The following APEH variants were observed in gnomAD, a reference collection of about 807,000 sequenced individuals.
APEH encodes acylaminoacyl-peptide hydrolase.
In APEH, 75 loss-of-function variants were observed where a neutral mutation model predicts 102.7. That is an observed-to-expected ratio of 0.73 (90% CI 0.61 to 0.89). The LOEUF is 0.89. Ranked by LOEUF, APEH falls within the 40% of genes least tolerant of loss-of-function variation. The pLI is 0.00. For missense variants in APEH, 863 were observed against 941.2 expected (o/e 0.92, Z 1.09); for synonymous variants, 344 against 362.7 (o/e 0.95, Z 0.59).
rs1245044042 is a variant in APEH at position 49,676,235 on chromosome 3, C to G, written c.606+16C>G. On this transcript the variant is annotated intron_variant, in intron 6 of 21. Coordinates refer to ENST00000296456, the MANE Select transcript of APEH (RefSeq NM_001640.4). ...AGCCATCAAGGTGCTCGTGGTCAAT[C>G]CACGAAGGCCCGGCAGGGCAGCCCT... 2 of 1,612,880 alleles carry G rather than the reference C, an allele frequency of 1.2e-6. No homozygotes were observed. Among genetic ancestry groups the G allele is most frequent in the Non-Finnish European group, 1.7e-6 (2 of 1,179,322 alleles).
In APEH at chr3:49,675,404, G is replaced by A. The variant is rs190206719; in HGVS notation, c.272+95G>A. The stretch of plus-strand genomic sequence containing the variant: ...CACCATGTGCCTAGAAGGGAGGCCA[G>A]CAGCCAGGTTCTTGCCCCCTTGGGA... On this transcript the variant is annotated intron_variant, in intron 3 of 21. Coordinates refer to ENST00000296456, the MANE Select transcript of APEH (RefSeq NM_001640.4). 656 of 1,526,646 alleles carry A rather than the reference G, an allele frequency of 4.3e-4. 3 individuals carry two copies. In the African/African-American group the frequency reaches 7.5e-3, roughly 17 times the overall value. 94.6% of individuals were successfully genotyped at this position (1,526,646 alleles called of 1,614,324 possible). A position where few individuals can be genotyped will look rare whatever the true frequency, so the allele number is the denominator to read the frequency against.
At chr3:49,678,627 G>GCCTCTCTGGGT (rs1285987404) in intron 11 of APEH, among the ~76,000 whole-genome samples, 1 of 152,136 alleles carries the variant, frequency 6.6e-6, no homozygotes, top group Non-Finnish European at 1.5e-5. Context: ...CTTGAGCTCT[G>GCCTCTCTGGGT]CCTCTCTGGG....
intron 11 of APEH, among the ~76,000 whole-genome samples, chr3:49,678,303 G>A (rs1194507073): frequency 1.3e-5 from 2 of 152,196 alleles, no homozygotes; most frequent in African/African-American, 4.8e-5. Flanking sequence ...AACCTAGTAT[G>A]AATCCCAGCT....
intron 2 of APEH, 25 bp from the exon 3 acceptor site, chr3:49,675,158 A>G (rs2052965737): frequency 6.2e-7 from 1 of 1,613,296 alleles, no homozygotes. Context: ...AGACAAGGTG[A>G]GCAGTCTCAT....
At chr3:49,674,286 C>T (rs918685942), upstream of APEH, 1 of 1,350,244 alleles carries the variant, frequency 7.4e-7, no homozygotes, top group Non-Finnish European at 9.9e-7. Context: ...CCGCCCCTCA[C>T]AGATTGCCGC....
chr3:49,675,031 T>C (rs901549813), intron 2 of APEH, 152 bp from the exon 3 acceptor site: 2 of 1,101,074 alleles, frequency 1.8e-6, no homozygotes, highest in African/African-American at 3.1e-5. Flanking sequence ...TGTGGCCAAG[T>C]GTTGTCCAGC....
At chr3:49,674,822 G>A (rs2052947942) in intron 2 of APEH, among the ~76,000 whole-genome samples, 1 of 152,144 alleles carries the variant, frequency 6.6e-6, no homozygotes, top group African/African-American at 2.4e-5. Context: ...TCGAATGGCG[G>A]CCATGAGTGC....
intron 15 of APEH, among the ~76,000 whole-genome samples, 173 bp downstream of exon 15, chr3:49,681,412 C>T (rs539737361): frequency 6.0e-4 from 92 of 152,348 alleles, no homozygotes; most frequent in African/African-American, 2.1e-3. Context: ...GACATCTGAG[C>T]GCCTGCTCTG....
chr3:49,680,777 G>A (rs2053282782), intron 14 of APEH, 148 bp downstream of exon 14: 3 of 761,642 alleles, frequency 3.9e-6, no homozygotes, highest in Admixed American at 4.9e-5. Context: ...GGTCCATGAG[G>A]GTTTGGCACT....
Position 49,683,842 on chromosome 3 carries a change from G to T in APEH, c.*500G>T. Reference sequence around the variant, plus strand: ...ATTGCCTTGGTTGGGGAAGCCCCTAGGCTGGACAGATCACCTAGCCCAGGG... The same window carrying T: ...ATTGCCTTGGTTGGGGAAGCCCCTATGCTGGACAGATCACCTAGCCCAGGG... On this transcript the variant is annotated 3_prime_UTR_variant, in exon 22 of 22. Coordinates refer to ENST00000296456, the MANE Select transcript of APEH (RefSeq NM_001640.4). 2 of 882,344 alleles carry T rather than the reference G, an allele frequency of 2.3e-6. No individual in the cohort carries two copies. The highest frequency in any genetic ancestry group is 3.4e-6 in the Non-Finnish European group (2 of 584,374). The allele number at this position is 882,344 out of a possible 1,614,324, so 54.7% of individuals were successfully genotyped here. A position where few individuals can be genotyped will look rare whatever the true frequency, so the allele number is the denominator to read the frequency against.
Position 49,682,343 on chromosome 3 carries a change from C to A in APEH, c.1604-5C>A, listed in dbSNP as rs1447885287. The A allele has an allele frequency of 6.2e-7, 1 of 1,611,816 alleles. No homozygotes were observed. The highest frequency in any genetic ancestry group is 8.5e-7 in the Non-Finnish European group (1 of 1,178,454). ...CTACACTGTCTGGTCCCTCCCTGCC[C>A]TCAGTGAACTATCGTGGCTCCACGG... On this transcript the variant is annotated splice_polypyrimidine_tract_variant and splice_region_variant and intron_variant, in intron 17 of 21. Transcript: ENST00000296456.
In APEH at chr3:49,680,683, C is replaced by A. The variant is rs547154560; in HGVS notation, c.1299+54C>A. The A allele has an allele frequency of 6.0e-6, 9 of 1,509,912 alleles. No individual in the cohort carries two copies. The East Asian group carries it at 2.0e-4, about 34-fold the overall frequency. The allele number at this position is 1,509,912 out of a possible 1,614,324, so 93.5% of individuals were successfully genotyped here. On this transcript the variant is annotated intron_variant, in intron 14 of 21. Transcript: ENST00000296456. ...AGGCAGGGGTTCTGGGCAGGCAGAG[C>A]TCACCAGGTCAGGGAATTGGCCCCA...
intron 15 of APEH, 88 bp from the exon 16 acceptor site, chr3:49,681,634 G>A: frequency 4.8e-6 from 6 of 1,256,608 alleles, no homozygotes; most frequent in Non-Finnish European, 6.5e-6. Flanking sequence ...CTGACCCAGA[G>A]GTCAGCCCCA....
In APEH at chr3:49,676,102, G is replaced by A. The variant is rs761046511; in HGVS notation, c.489G>A (p.Leu163=). The part of the protein sequence containing the change: ...LSWSHSETHL[L]YVAEKKRPKA... Reference sequence around the variant, plus strand: ...GGTCGCACTCGGAGACACACTTGTTGTATGTGGCAGAGAAGAAGCGCCCCA... The same window carrying A: ...GGTCGCACTCGGAGACACACTTGTTATATGTGGCAGAGAAGAAGCGCCCCA... Residue 163 remains leucine (L), a synonymous_variant, in exon 6 of 22, where the codon TTG becomes TTA. Transcript: ENST00000296456. 1.1e-5 allele frequency: 17 copies of A among 1,614,262 alleles called. No homozygotes were observed. The highest frequency in any genetic ancestry group is 1.4e-5 in the Non-Finnish European group (16 of 1,180,038).
At position 49,674,637 on chromosome 3, in the gene APEH, G is replaced by T; in HGVS notation, c.145+16G>T. The stretch of plus-strand genomic sequence containing the variant: ...GTGCACACTGGTGTGTGTGCGAAGG[G>T]GAACTGGCTGGCGACGGGGTCGCGC... On this transcript the variant is annotated intron_variant, in intron 2 of 21. Transcript: ENST00000296456. The T allele has an allele frequency of 6.3e-7, 1 of 1,586,248 alleles. No individual in the cohort carries two copies. The highest frequency in any genetic ancestry group is 1.7e-5 in the Admixed American group (1 of 57,496).
chr3:49,677,484 C>T, intron 10 of APEH, 89 bp from the exon 11 acceptor site: 2 of 1,232,916 alleles, frequency 1.6e-6, no homozygotes, highest in Non-Finnish European at 2.4e-6. Flanking sequence ...CCTGGGGCTA[C>T]CTGAGGCAAA....
chr3:49,675,878 C>T lies in APEH; in HGVS notation c.367-13C>T, dbSNP rs200666676. 5.9e-5 allele frequency: 95 copies of T among 1,614,128 alleles called. No individual in the cohort carries two copies. In the Middle Eastern group the frequency reaches 8.2e-4, roughly 14 times the overall value. The stretch of plus-strand genomic sequence containing the variant: ...GTTAGCGGGCAAACAGCCTAATGCC[C>T]AGATGTCCTCAGGTCTGGGAGAAGA... On this transcript the variant is annotated splice_polypyrimidine_tract_variant and intron_variant, in intron 4 of 21. Coordinates refer to ENST00000296456, the MANE Select transcript of APEH (RefSeq NM_001640.4).
rs1164484619 is a variant in APEH at position 49,676,658 on chromosome 3, A to G, written c.794A>G (p.His265Arg). The change falls in exon 8 of 22, where the codon CAT (histidine) becomes CGT (arginine). Residue 265 changes from histidine (H) to arginine (R), a missense_variant. Physicochemically the swap from His to Arg is conservative, Grantham distance 29 (BLOSUM62 0). Coordinates refer to ENST00000296456, the MANE Select transcript of APEH (RefSeq NM_001640.4). ...GGTGTGGTGTTTGTGGGCTGGTGGC[A>G]TGAGCCCTTCCGGTTGGGCATCCGC... is the stretch of plus-strand genomic sequence containing the variant. ...DAGVVFVGWW[H>R]EPFRLGIRFC... is the part of the protein sequence containing the mutation. The G allele has an allele frequency of 1.2e-6, 2 of 1,614,272 alleles. No individual in the cohort carries two copies. Among genetic ancestry groups the G allele is most frequent in the Non-Finnish European group, 8.5e-7 (1 of 1,180,048 alleles).
chr3:49,681,074 C>A, intron 14 of APEH, 27 bp from the exon 15 acceptor site: 1 of 1,554,102 alleles, frequency 6.4e-7, no homozygotes, highest in Non-Finnish European at 8.7e-7. Context: ...GCCAGGCCAC[C>A]TATGACACAT....
Sources: gnomAD v4.1 joint callset for allele counts (sites outside exome capture counted in the v4.1 genomes callset) on GRCh38, gnomAD v4.1.1 for gene constraint, MANE v1.5 for transcripts, NCBI Gene and HGNC (gene_info 2026-07-23, HGNC 2026-07-21) for gene names.